GSDMC: variants seen among roughly 807,000 people sequenced by gnomAD.
GSDMC encodes the protein gasdermin-C.
In GSDMC, 59 loss-of-function variants were observed where a neutral mutation model predicts 58.0. The observed-to-expected ratio is 1.02, with a 90% CI of 0.82 to 1.26. The LOEUF is 1.26. Among genes scored for constraint, GSDMC ranks in the 50% most tolerant of loss-of-function variants. The probability of loss-of-function intolerance (pLI) is 0.00; values close to 1 mark genes in which losing one functional copy is unlikely to be tolerated. For synonymous variants in GSDMC, 241 were observed against 220.2 expected (o/e 1.09, Z -0.83); for missense variants, 659 against 598.5 (o/e 1.10, Z -1.06).
chr8:129,710,165 T>C, the GSDMC span, among the ~76,000 whole-genome samples: 1 of 152,244 alleles, frequency 6.6e-6, no homozygotes, highest in Non-Finnish European at 1.5e-5. Flanking sequence ...TATCTTCCAC[T>C]AGAATGCCAG....
chr8:129,718,669 G>GTCCCA, the GSDMC span, among the ~76,000 whole-genome samples: 1 of 152,110 alleles, frequency 6.6e-6, no homozygotes, highest in Admixed American at 6.6e-5. Flanking sequence ...TGACCCAGCA[G>GTCCCA]TCCCATTACT....
intron 3 of GSDMC, among the ~76,000 whole-genome samples, chr8:129,769,141 TGA>T (rs2033968263): frequency 6.6e-6 from 1 of 151,020 alleles, no homozygotes; most frequent in Non-Finnish European, 1.5e-5. Flanking sequence ...TCCCAAATTT[TGA>T]GAGAGAAGTG....
At chr8:129,761,162 T>C (rs1283284682) in intron 5 of GSDMC, among the ~76,000 whole-genome samples, 1 of 152,124 alleles carries the variant, frequency 6.6e-6, no homozygotes, top group Non-Finnish European at 1.5e-5. Flanking sequence ...CACTGTAAAA[T>C]GGAGATGAGA....
chr8:129,766,270 T>C (rs909815302), intron 3 of GSDMC, among the ~76,000 whole-genome samples: 1 of 152,236 alleles, frequency 6.6e-6, no homozygotes, highest in Non-Finnish European at 1.5e-5. Context: ...CATGATTTCA[T>C]GACCGTTACG....
At chr8:129,757,185 G>A (rs962574643) in intron 6 of GSDMC, among the ~76,000 whole-genome samples, 3 of 151,328 alleles carry the variant, frequency 2.0e-5, no homozygotes, top group Non-Finnish European at 4.4e-5. Context: ...AAAATGGAGA[G>A]GACGCAAATA....
the GSDMC span, among the ~76,000 whole-genome samples, chr8:129,717,548 A>C: frequency 6.6e-6 from 1 of 152,158 alleles, no homozygotes. Flanking sequence ...AAAACATTCC[A>C]TGCTCATGAT....
At chr8:129,767,750 A>G (rs1012745794) in intron 3 of GSDMC, among the ~76,000 whole-genome samples, 2 of 151,944 alleles carry the variant, frequency 1.3e-5, no homozygotes, top group African/African-American at 4.8e-5. Context: ...TGAGACCACC[A>G]CCAATTACAA....
At chr8:129,716,905 A>G in the GSDMC span, among the ~76,000 whole-genome samples, 1 of 152,202 alleles carries the variant, frequency 6.6e-6, no homozygotes, top group Non-Finnish European at 1.5e-5. Context: ...TTCTGTTCAT[A>G]TGATGGATTA....
the GSDMC span, chr8:129,729,308 G>T: frequency 5.5e-6 from 3 of 546,888 alleles, no homozygotes; most frequent in Non-Finnish European, 1.0e-5. Context: ...CATGAAATTT[G>T]TTTTTTTTAA....
intron 3 of GSDMC, among the ~76,000 whole-genome samples, chr8:129,770,782 T>C (rs1235987044): frequency 6.6e-6 from 1 of 151,914 alleles, no homozygotes; most frequent in Non-Finnish European, 1.5e-5. Context: ...AGTACTTACC[T>C]ATCAATAATT....
At chr8:129,710,216 A>G in the GSDMC span, among the ~76,000 whole-genome samples, 2 of 152,226 alleles carry the variant, frequency 1.3e-5, no homozygotes. Flanking sequence ...CCAGTCTAGC[A>G]TGCAGCACAG....
the GSDMC span, among the ~76,000 whole-genome samples, chr8:129,719,921 G>A: frequency 2.0e-5 from 3 of 152,058 alleles, no homozygotes; most frequent in African/African-American, 7.2e-5. Flanking sequence ...CTCCAGCCTG[G>A]GCAACAGAGC....
the GSDMC span, among the ~76,000 whole-genome samples, chr8:129,735,850 A>G: frequency 6.6e-6 from 1 of 152,324 alleles, no homozygotes; most frequent in South Asian, 2.1e-4. Context: ...ACCCTCAAAA[A>G]ATCAATGAAT....
chr8:129,743,371 C>G (rs541765432), downstream of GSDMC, among the ~76,000 whole-genome samples: 1 of 152,228 alleles, frequency 6.6e-6, no homozygotes, highest in East Asian at 1.9e-4. Context: ...CAAGCCTGTA[C>G]AGTGTATTTT....
chr8:129,779,883 C>T (rs1417244218), intron 1 of GSDMC, among the ~76,000 whole-genome samples: 1 of 151,944 alleles, frequency 6.6e-6, no homozygotes, highest in Non-Finnish European at 1.5e-5. Flanking sequence ...TTCAAGATAA[C>T]ACATAAAAGG....
intron 4 of GSDMC, among the ~76,000 whole-genome samples, chr8:129,764,785 C>T (rs1360182562): frequency 6.6e-6 from 1 of 152,268 alleles, no homozygotes; most frequent in Non-Finnish European, 1.5e-5. Context: ...GATTTCCAGT[C>T]GATATTCTTA....
intron 6 of GSDMC, among the ~76,000 whole-genome samples, chr8:129,760,061 A>T (rs1405466743): frequency 1.3e-5 from 2 of 152,180 alleles, no homozygotes; most frequent in South Asian, 4.1e-4. Flanking sequence ...ATTATTTGCA[A>T]AAACATTAAT....
chr8:129,748,094 ATCTG>A (rs1454038801), downstream of GSDMC: 1 of 153,240 alleles, frequency 6.5e-6, no homozygotes, highest in African/African-American at 2.4e-5. Context: ...TTGGTCACTT[ATCTG>A]TCTATCATCA....
the GSDMC span, among the ~76,000 whole-genome samples, chr8:129,727,734 G>A: frequency 6.6e-6 from 1 of 152,330 alleles, no homozygotes; most frequent in Non-Finnish European, 1.5e-5. Flanking sequence ...AGGCATTTTA[G>A]TCTTGGGTAA....
Sources: gnomAD v4.1 joint callset for allele counts (sites outside exome capture counted in the v4.1 genomes callset) on GRCh38, gnomAD v4.1.1 for gene constraint, MANE v1.5 for transcripts, NCBI Gene and HGNC (gene_info 2026-07-23, HGNC 2026-07-21) for gene names.